STPG2: variants seen among roughly 807,000 people sequenced by gnomAD.
STPG2 encodes the protein sperm tail PG-rich repeat containing 2.
STPG2 carries 56 observed loss-of-function variants against 54.2 expected under a neutral mutation model. That is an observed-to-expected ratio of 1.03 (90% CI 0.83 to 1.29). The LOEUF is 1.29. Among genes scored for constraint, STPG2 ranks in the 50% most tolerant of loss-of-function variants. STPG2 has a pLI of 0.00. For synonymous variants in STPG2, 200 were observed against 181.8 expected, an observed-to-expected ratio of 1.10 and a Z score of -0.81; for missense variants, 596 against 544.9, an observed-to-expected ratio of 1.09 and a Z score of -0.93.
chr4:97,803,951 A>C (rs552192918), intron 9 of STPG2, among the ~76,000 whole-genome samples: 158 of 152,324 alleles, frequency 1.0e-3, no homozygotes, highest in African/African-American at 3.7e-3. Flanking sequence ...TAAACAAGAC[A>C]TTTAAAAAGG....
intron 9 of STPG2, among the ~76,000 whole-genome samples, chr4:97,742,521 G>A (rs1377144785): frequency 1.2e-4 from 1 of 8,568 alleles, no homozygotes; most frequent in African/African-American, 5.8e-4. Flanking sequence ...TGAATAAACT[G>A]TGTGTGTGTG....
At chr4:97,638,827 T>A (rs1341415764) in intron 10 of STPG2, among the ~76,000 whole-genome samples, 4 of 142,586 alleles carry the variant, frequency 2.8e-5, no homozygotes, top group African/African-American at 1.1e-4. Flanking sequence ...ATGGCAATCA[T>A]TAAAAAGTCA....
chr4:97,863,085 A>G (rs918530647), intron 8 of STPG2, among the ~76,000 whole-genome samples: 1 of 152,024 alleles, frequency 6.6e-6, no homozygotes, highest in Non-Finnish European at 1.5e-5. Flanking sequence ...AAGGCAAGAA[A>G]TAACTAAGAT....
chr4:97,786,318 C>T (rs554049463), intron 9 of STPG2, among the ~76,000 whole-genome samples: 1 of 151,806 alleles, frequency 6.6e-6, no homozygotes, highest in South Asian at 2.1e-4. Context: ...AATTAATTTA[C>T]TTTCTTAATT....
chr4:97,738,447 G>C (rs1214243552), intron 9 of STPG2, among the ~76,000 whole-genome samples: 1 of 152,148 alleles, frequency 6.6e-6, no homozygotes, highest in Admixed American at 6.5e-5. Flanking sequence ...ACCAATCAGA[G>C]TGCTGTATTC....
At chr4:97,961,907 C>T (rs116272026) in intron 7 of STPG2, among the ~76,000 whole-genome samples, 2,798 of 152,206 alleles carry the variant, frequency 0.018, 77 homozygotes, top group African/African-American at 0.064. Flanking sequence ...TACTTGCACA[C>T]GCACGTTTAT....
intron 8 of STPG2, among the ~76,000 whole-genome samples, chr4:97,942,099 C>A (rs1304644544): frequency 6.6e-6 from 1 of 150,942 alleles, no homozygotes; most frequent in Non-Finnish European, 1.5e-5. Flanking sequence ...CAAAGTTTAA[C>A]ATATATATGT....
At chr4:97,968,244 T>G (rs1734189673) in intron 7 of STPG2, among the ~76,000 whole-genome samples, 1 of 149,790 alleles carries the variant, frequency 6.7e-6, no homozygotes, top group Non-Finnish European at 1.5e-5. Flanking sequence ...CTACACGAAT[T>G]TTGAATCACT....
chr4:97,567,848 A>C (rs964903356), intron 10 of STPG2, among the ~76,000 whole-genome samples: 2 of 152,174 alleles, frequency 1.3e-5, no homozygotes, highest in Non-Finnish European at 2.9e-5. Context: ...AAATAGGAGC[A>C]AAAGAATATA....
At position 97,563,920 on chromosome 4, in the gene STPG2, G is replaced by T. The variant is rs191003131; in HGVS notation, c.1321-4803C>A. ...AAAAATATATATTCTGTTGATTTGT[G>T]GTGGAGAGTTCTGTAGATGTCTACT... On this transcript the variant is annotated intron_variant, in intron 10 of 10. Transcript: ENST00000295268. Among the ~76,000 whole-genome samples the T allele has an allele frequency of 3.5e-3, 527 of 152,290 alleles. 4 individuals carry two copies. The highest frequency in any genetic ancestry group is 0.012 in the African/African-American group (490 of 41,554).
intron 4 of STPG2, among the ~76,000 whole-genome samples, chr4:97,526,548 T>A (rs1018101626): frequency 1.3e-5 from 2 of 152,108 alleles, no homozygotes; most frequent in Non-Finnish European, 2.9e-5. Flanking sequence ...TAAATTTGTT[T>A]AAGTTCCTCG....
At chr4:97,884,647 C>G (rs1428102335) in intron 8 of STPG2, among the ~76,000 whole-genome samples, 1 of 151,654 alleles carries the variant, frequency 6.6e-6, no homozygotes, top group Non-Finnish European at 1.5e-5. Flanking sequence ...CAAACTAATA[C>G]ACAAACAAAG....
intron 4 of STPG2, among the ~76,000 whole-genome samples, chr4:97,494,408 C>A (rs535170000): frequency 3.8e-4 from 57 of 151,634 alleles, no homozygotes; most frequent in African/African-American, 1.3e-3. Flanking sequence ...ACTGAACTCA[C>A]AAATTCATTT....
intron 10 of STPG2, among the ~76,000 whole-genome samples, chr4:97,666,736 T>A (rs977429183): frequency 6.6e-6 from 1 of 152,286 alleles, no homozygotes; most frequent in Non-Finnish European, 1.5e-5. Context: ...AATTATTATA[T>A]CTGTTATACA....
At chr4:97,900,973 T>A (rs1731155734) in intron 8 of STPG2, among the ~76,000 whole-genome samples, 1 of 151,960 alleles carries the variant, frequency 6.6e-6, no homozygotes, top group Non-Finnish European at 1.5e-5. Flanking sequence ...TTAAACTTTC[T>A]TATTTTGTTT....
At chr4:97,567,921 A>C (rs191355674) in intron 10 of STPG2, among the ~76,000 whole-genome samples, 10 of 152,314 alleles carry the variant, frequency 6.6e-5, no homozygotes, top group Admixed American at 6.5e-4. Flanking sequence ...GAAATTATTT[A>C]CCTACAAAGA....
chr4:97,824,505 T>G (rs1728192012), intron 9 of STPG2, among the ~76,000 whole-genome samples: 1 of 152,178 alleles, frequency 6.6e-6, no homozygotes, highest in African/African-American at 2.4e-5. Context: ...TCTGTATCTT[T>G]CTGTCAGAAA....
chr4:97,904,609 A>T (rs1731325393), intron 8 of STPG2, among the ~76,000 whole-genome samples: 1 of 152,254 alleles, frequency 6.6e-6, no homozygotes, highest in Admixed American at 6.5e-5. Context: ...TGGACAGAGA[A>T]TGACTTTGAC....
At chr4:97,916,358 C>T (rs139500178) in intron 8 of STPG2, 103 of 152,636 alleles carry the variant, frequency 6.7e-4, no homozygotes, top group Non-Finnish European at 1.2e-3. Flanking sequence ...ATTTATTTAA[C>T]AGCAAGAAGC....
Sources: allele counts gnomAD v4.1 joint callset (sites outside exome capture counted in the v4.1 genomes callset), GRCh38; gene constraint gnomAD v4.1.1; transcripts MANE v1.5; gene names NCBI Gene and HGNC (gene_info 2026-07-23, HGNC 2026-07-21).